The following MLLT3 variants were observed in gnomAD, a reference collection of about 807,000 sequenced individuals.
MLLT3 encodes protein AF-9.
Under a neutral mutation model 53.2 loss-of-function variants are expected in MLLT3, and 4 were observed. The ratio of observed to expected loss-of-function variants is 0.08; its 90% CI spans 0.04 to 0.17. MLLT3 has a LOEUF of 0.17. Ranked by LOEUF, MLLT3 falls within the 10% of genes least tolerant of loss-of-function variation. The pLI is 1.00. For synonymous variants in MLLT3, 283 were observed against 230.6 expected (o/e 1.23, Z -2.06); for missense variants, 569 against 684.0 (o/e 0.83, Z 1.87).
chr9:20,581,224 G>C (rs1054793719), intron 2 of MLLT3, among the ~76,000 whole-genome samples: 2 of 152,190 alleles, frequency 1.3e-5, no homozygotes, highest in Admixed American at 1.3e-4. Context: ...TGATACACAG[G>C]TGAGAGTGGT....
chr9:20,492,267 T>C (rs1208693538), intron 2 of MLLT3, among the ~76,000 whole-genome samples: 3 of 152,026 alleles, frequency 2.0e-5, no homozygotes, highest in Non-Finnish European at 4.4e-5. Context: ...AGCATACTAG[T>C]TGTAACTTAG....
At chr9:20,544,360 G>A (rs1237176157) in intron 2 of MLLT3, among the ~76,000 whole-genome samples, 3 of 152,138 alleles carry the variant, frequency 2.0e-5, no homozygotes, top group African/African-American at 4.8e-5. Context: ...AAAATGAAAT[G>A]AAAAGGCAAC....
intron 2 of MLLT3, among the ~76,000 whole-genome samples, chr9:20,530,895 T>C (rs1008499291): frequency 3.9e-5 from 6 of 152,168 alleles, no homozygotes; most frequent in African/African-American, 1.4e-4. Context: ...CCTCCCAAAG[T>C]GCTGGGATTA....
intron 5 of MLLT3, among the ~76,000 whole-genome samples, chr9:20,408,760 C>T (rs1822650974): frequency 6.6e-6 from 1 of 152,200 alleles, no homozygotes; most frequent in African/African-American, 2.4e-5. Context: ...ACATAAAAAC[C>T]TAAGGCCAAT....
chr9:20,380,928 G>T (rs150803508), intron 5 of MLLT3, among the ~76,000 whole-genome samples: 1 of 152,104 alleles, frequency 6.6e-6, no homozygotes, highest in African/African-American at 2.4e-5. Flanking sequence ...TGATCTTCCT[G>T]ATGAACTGAG....
intron 2 of MLLT3, among the ~76,000 whole-genome samples, chr9:20,602,717 T>C (rs1474695142): frequency 2.0e-5 from 3 of 151,308 alleles, no homozygotes; most frequent in Non-Finnish European, 4.4e-5. Flanking sequence ...GATTATCAAA[T>C]CTCCTACTGC....
At chr9:20,604,531 C>A (rs540573652) in intron 2 of MLLT3, among the ~76,000 whole-genome samples, 1 of 152,134 alleles carries the variant, frequency 6.6e-6, no homozygotes, top group East Asian at 1.9e-4. Flanking sequence ...TACTCATTTT[C>A]TGCTATACTA....
At chr9:20,482,093 A>G (rs187495181) in intron 2 of MLLT3, among the ~76,000 whole-genome samples, 14 of 152,162 alleles carry the variant, frequency 9.2e-5, no homozygotes, top group Admixed American at 3.9e-4. Context: ...CAAAAGCTAG[A>G]CTCTTCATCC....
intron 2 of MLLT3, among the ~76,000 whole-genome samples, chr9:20,602,667 C>T (rs1820455804): frequency 6.6e-6 from 1 of 151,934 alleles, no homozygotes; most frequent in South Asian, 2.1e-4. Context: ...CATAGAGACA[C>T]TTAGAATTTG....
intron 2 of MLLT3, among the ~76,000 whole-genome samples, chr9:20,583,048 T>C (rs1477833769): frequency 6.6e-6 from 1 of 152,142 alleles, no homozygotes; most frequent in African/African-American, 2.4e-5. Flanking sequence ...CCCTTCTACC[T>C]ATAAGCCTGT....
intron 8 of MLLT3, among the ~76,000 whole-genome samples, chr9:20,355,730 A>AT (rs1563933971): frequency 2.0e-5 from 3 of 152,218 alleles, no homozygotes; most frequent in Admixed American, 2.0e-4. Flanking sequence ...AAGCAAAGTA[A>AT]TTTGTCTTTT....
chr9:20,361,904 C>G (rs1213815671), intron 7 of MLLT3, among the ~76,000 whole-genome samples: 1 of 152,060 alleles, frequency 6.6e-6, no homozygotes, highest in Non-Finnish European at 1.5e-5. Flanking sequence ...CATTCTAGCT[C>G]TATAATGTAT....
At chr9:20,477,459 A>C (rs1824553140) in intron 2 of MLLT3, among the ~76,000 whole-genome samples, 2 of 152,160 alleles carry the variant, frequency 1.3e-5, no homozygotes, top group Admixed American at 6.6e-5. Flanking sequence ...CTTTGAAAGT[A>C]GACCCCAATA....
chr9:20,496,475 A>G (rs1825082121), intron 2 of MLLT3, among the ~76,000 whole-genome samples: 2 of 152,116 alleles, frequency 1.3e-5, no homozygotes, highest in South Asian at 2.1e-4. Flanking sequence ...ATTATATTCT[A>G]TATTTGTTTA....
rs148139237 is a variant in MLLT3, at chr9:20,621,907, G to A, written c.12+338C>T. ...TATTATTCGCCTCCTTCCACCGTGT[G>A]TGTGTGTGTGTGTGAGTGCGCGCGT... On this transcript the variant is annotated intron_variant, in intron 1 of 10. Transcript: ENST00000380338. The surrounding 1 kb of genome is among the most constrained non-coding windows in gnomAD (Gnocchi z 7.0). The A allele has an allele frequency of 0.011, 14,832 of 1,363,874 alleles. 71 individuals are homozygous for A. The highest frequency in any genetic ancestry group is 0.013 in the Non-Finnish European group (13,742 of 1,060,388). 84.5% of individuals were successfully genotyped at this position (1,363,874 alleles called of 1,614,324 possible). A position where few individuals can be genotyped will look rare whatever the true frequency, so the allele number is the denominator to read the frequency against.
intron 2 of MLLT3, among the ~76,000 whole-genome samples, chr9:20,595,560 T>C (rs1219319684): frequency 6.6e-6 from 1 of 152,146 alleles, no homozygotes; most frequent in Non-Finnish European, 1.5e-5. Flanking sequence ...CCTGTATCTA[T>C]CATTTGAAAC....
intron 5 of MLLT3, among the ~76,000 whole-genome samples, chr9:20,392,079 A>G (rs1393346032): frequency 6.6e-6 from 1 of 152,148 alleles, no homozygotes; most frequent in Non-Finnish European, 1.5e-5. Context: ...CACCGGAAAA[A>G]TATCCTTCAA....
At chr9:20,496,811 C>T (rs2118931652) in intron 2 of MLLT3, among the ~76,000 whole-genome samples, 1 of 152,244 alleles carries the variant, frequency 6.6e-6, no homozygotes, top group East Asian at 1.9e-4. Context: ...AATCCCTGTC[C>T]AACTTCCTCT....
intron 8 of MLLT3, among the ~76,000 whole-genome samples, chr9:20,355,540 G>A (rs1392189189): frequency 6.6e-6 from 1 of 152,136 alleles, no homozygotes; most frequent in Non-Finnish European, 1.5e-5. Flanking sequence ...GGGAAGCTAT[G>A]TTTCTACTTA....
Sources: allele counts gnomAD v4.1 joint callset (sites outside exome capture counted in the v4.1 genomes callset), GRCh38; gene constraint gnomAD v4.1.1; non-coding constraint Gnocchi (gnomAD v3.1); transcripts MANE v1.5; gene names NCBI Gene and HGNC (gene_info 2026-07-23, HGNC 2026-07-21).